Variants in KDM3A observed in about 807,000 individuals in gnomAD.
KDM3A encodes the protein lysine-specific demethylase 3A.
A neutral mutation model predicts 158.0 loss-of-function variants in KDM3A; 60 were observed. That is an observed-to-expected ratio of 0.38 (90% CI 0.31 to 0.47). KDM3A has a LOEUF of 0.47. Among genes scored for constraint, KDM3A ranks in the 20% least tolerant of loss-of-function variants. The pLI is 0.99. For synonymous variants in KDM3A, 608 were observed against 549.3 expected (o/e 1.11, Z -1.49); for missense variants, 1,319 against 1,574.3 (o/e 0.84, Z 2.74).
chr2:86,491,808 A>G (rs930801639), intron 25 of KDM3A: 12 of 537,812 alleles, frequency 2.2e-5, no homozygotes, highest in African/African-American at 1.9e-4. Flanking sequence ...TCTACGTGGT[A>G]TCAAAACCTC....
intron 21 of KDM3A, chr2:86,487,282 A>G (rs1674226669): frequency 6.6e-6 from 1 of 152,184 alleles, no homozygotes; most frequent in Non-Finnish European, 1.5e-5. Context: ...AGCTTTTCCT[A>G]TGACAAAATG....
chr2:86,482,655 C>G lies in KDM3A; in HGVS notation c.2883C>G (p.Ser961Arg), dbSNP rs756910908. ...LLCLQDPNNKSNWNVFRECWK... is the reference protein window; with the variant it reads ...LLCLQDPNNKRNWNVFRECWK... The stretch of plus-strand genomic sequence containing the variant: ...GCTTGCAAGACCCCAACAATAAGAG[C>G]AACTGGAATGTGTTTAGGGAGTGCT... Residue 961 changes from serine to arginine, a missense_variant, in exon 18 of 26, where the codon AGC (serine) becomes AGG (arginine). By Grantham distance (110) the Ser-to-Arg change is moderately radical. Coordinates refer to ENST00000312912, the MANE Select transcript of KDM3A (RefSeq NM_018433.6). The G allele has an allele frequency of 1.2e-6, 2 of 1,614,106 alleles. No individual in the cohort carries two copies. The highest frequency in any genetic ancestry group is 4.5e-5 in the East Asian group (2 of 44,872).
intron 4 of KDM3A, among the ~76,000 whole-genome samples, chr2:86,452,990 A>AT (rs1483165623): frequency 2.0e-5 from 3 of 152,286 alleles, no homozygotes; most frequent in African/African-American, 7.2e-5. Flanking sequence ...AATAACATAC[A>AT]GGGGGGTTGT....
chr2:86,438,480 A>G (rs900661563), upstream of KDM3A, among the ~76,000 whole-genome samples: 1 of 152,034 alleles, frequency 6.6e-6, no homozygotes, highest in African/African-American at 2.4e-5. Flanking sequence ...AAAATTGCTA[A>G]GAGTGGATTT....
At chr2:86,480,084 G>C (rs758147293) in intron 15 of KDM3A, 83 bp from the exon 16 acceptor site, 13 of 1,041,128 alleles carry the variant, frequency 1.2e-5, no homozygotes, top group Non-Finnish European at 1.8e-5. Flanking sequence ...CTTACTTGTT[G>C]GTCGGCTATT....
intron 16 of KDM3A, 85 bp from the exon 17 acceptor site, chr2:86,481,845 C>T: frequency 9.6e-7 from 1 of 1,037,340 alleles, no homozygotes; most frequent in Non-Finnish European, 1.4e-6. Context: ...AAAGCAAGTT[C>T]TAAAGTAATT....
chr2:86,460,837 A>G (rs1396876946), intron 8 of KDM3A: 1 of 151,950 alleles, frequency 6.6e-6, no homozygotes, highest in African/African-American at 2.4e-5. Context: ...TTCAGGTAAG[A>G]AGAAACTTTG....
At chr2:86,490,033 A>G (rs966274010) in intron 23 of KDM3A, 4 of 162,722 alleles carry the variant, frequency 2.5e-5, no homozygotes, top group Middle Eastern at 6.2e-3. Flanking sequence ...CTGAGTGACC[A>G]TGTTCTGAGT....
intron 19 of KDM3A, 59 bp from the exon 20 acceptor site, chr2:86,484,883 T>C: frequency 9.4e-7 from 1 of 1,060,212 alleles, no homozygotes; most frequent in South Asian, 1.4e-5. Context: ...TAATTTGTCA[T>C]TTATTTTGGT....
chr2:86,451,315 G>T (rs1187389415), intron 4 of KDM3A, 102 bp downstream of exon 4: 1 of 672,584 alleles, frequency 1.5e-6, no homozygotes, highest in African/African-American at 1.8e-5. Context: ...GGGTATTATG[G>T]ATGCCTACTC....
Position 86,484,175 on chromosome 2 carries a change from T to C in KDM3A, c.3094+17T>C. ...ATGTTCCAAGTATGTATGAAAGATC[T>C]TTTAAGGGGGTTGGGGATGTGAAAG... On this transcript the variant is annotated intron_variant, in intron 19 of 25. Transcript: ENST00000312912. The C allele has an allele frequency of 6.2e-7, 1 of 1,604,780 alleles. No individual in the cohort carries two copies. Among genetic ancestry groups the C allele is most frequent in the Non-Finnish European group, 8.5e-7 (1 of 1,174,900 alleles).
chr2:86,470,480 T>A, intron 11 of KDM3A, 72 bp downstream of exon 11: 1 of 1,273,550 alleles, frequency 7.9e-7, no homozygotes, highest in Non-Finnish European at 1.1e-6. Flanking sequence ...CATACTTTTG[T>A]TACTCTTTTA....
chr2:86,446,267 C>T (rs1480735226), intron 2 of KDM3A, among the ~76,000 whole-genome samples: 1 of 152,178 alleles, frequency 6.6e-6, no homozygotes, highest in East Asian at 1.9e-4. Flanking sequence ...TTGACTCTGG[C>T]CTTTGAAGCC....
At chr2:86,458,162 A>C (rs1672782809) in intron 8 of KDM3A, among the ~76,000 whole-genome samples, 1 of 152,214 alleles carries the variant, frequency 6.6e-6, no homozygotes, top group Non-Finnish European at 1.5e-5. Flanking sequence ...TTCTTGATTA[A>C]GGGCAGACTG....
At chr2:86,491,862 T>C (rs939633763) in intron 25 of KDM3A, 177 bp from the exon 26 acceptor site, 1 of 583,772 alleles carries the variant, frequency 1.7e-6, no homozygotes, top group African/African-American at 1.9e-5. Context: ...GTTTAAAATG[T>C]ATGTGAAATA....
rs1247487695 is a variant in KDM3A at position 86,466,625 on chromosome 2, A to G, written c.1261A>G (p.Lys421Glu). ...TGLPKECLPT[K>E]ASSKAELEIA... ...CCTTCCTAAGGAGTGCTTACCTACA[A>G]AGGCTTCTTCTAAGGCAGAATTGGA... The change falls in exon 10 of 26, where the codon AAG (lysine) becomes GAG (glutamate). Residue 421 changes from lysine to glutamate, a missense_variant. Physicochemically the swap from Lys to Glu is moderately conservative, Grantham distance 56 (BLOSUM62 1). Transcript: ENST00000312912. The G allele has an allele frequency of 6.2e-7, 1 of 1,613,954 alleles. No homozygotes were observed. Among genetic ancestry groups the G allele is most frequent in the African/African-American group, 1.3e-5 (1 of 75,038 alleles).
intron 2 of KDM3A, among the ~76,000 whole-genome samples, chr2:86,443,865 G>A (rs1682845739): frequency 6.6e-6 from 1 of 152,184 alleles, no homozygotes; most frequent in Admixed American, 6.5e-5. Flanking sequence ...CTTTCTGTAA[G>A]CTGGGCTTTG....
chr2:86,443,183 A>C (rs549692047), intron 2 of KDM3A: 1 of 152,208 alleles, frequency 6.6e-6, no homozygotes, highest in African/African-American at 2.4e-5. Context: ...AGAACAGAAG[A>C]TATTTCCACC....
In KDM3A at chr2:86,474,220, T is replaced by C. The variant is rs963366414; in HGVS notation, c.1725-556T>C. On this transcript the variant is annotated intron_variant, in intron 11 of 25. Coordinates refer to ENST00000312912, the MANE Select transcript of KDM3A (RefSeq NM_018433.6). ...GAGTGCAAAATATACCTCTCTCCCCTTCTCCTCCCTCCTCTTTCCCCTGTC... is the reference window on the plus strand; with the variant it reads ...GAGTGCAAAATATACCTCTCTCCCCCTCTCCTCCCTCCTCTTTCCCCTGTC... Among the ~76,000 whole-genome samples, 16 of 152,304 alleles carry C rather than the reference T, an allele frequency of 1.1e-4. 1 individual carries two copies. The East Asian group carries it at 1.2e-3, about 11-fold the overall frequency.
Sources: allele counts gnomAD v4.1 joint callset (sites outside exome capture counted in the v4.1 genomes callset), GRCh38; gene constraint gnomAD v4.1.1; transcripts MANE v1.5; gene names NCBI Gene and HGNC (gene_info 2026-07-23, HGNC 2026-07-21).